The following RIF1 variants were observed in gnomAD, a reference collection of about 807,000 sequenced individuals.
RIF1 encodes the protein replication timing regulatory factor 1, also known as telomere-associated protein RIF1.
A neutral mutation model predicts 247.1 loss-of-function variants in RIF1; 45 were observed. That is an observed-to-expected ratio of 0.18 (90% CI 0.14 to 0.23). The LOEUF (loss-of-function observed/expected upper bound fraction) is 0.23, where lower values mean the gene tolerates loss of function less well. Ranked by LOEUF, RIF1 falls within the 10% of genes least tolerant of loss-of-function variation. RIF1 has a pLI of 1.00. For synonymous variants in RIF1, 1,087 were observed against 978.8 expected, an observed-to-expected ratio of 1.11 and a Z score of -2.06; for missense variants, 2,967 against 2,862.5, an observed-to-expected ratio of 1.04 and a Z score of -0.83.
At chr2:151,528,406 A>G in the RIF1 span, among the ~76,000 whole-genome samples, 1 of 152,150 alleles carries the variant, frequency 6.6e-6, no homozygotes, top group Admixed American at 6.5e-5. Flanking sequence ...ATTTTGAAAA[A>G]TTTCAAACAT....
rs1558962385 is a variant in RIF1, at chr2:151,435,454, AC to A, written c.1078-5del. 1 of 1,495,220 alleles carries A rather than the reference AC, an allele frequency of 6.7e-7. No homozygotes were observed. Among genetic ancestry groups the A allele is most frequent in the South Asian group, 1.1e-5 (1 of 88,324 alleles). 92.6% of individuals were successfully genotyped at this position (1,495,220 alleles called of 1,614,324 possible). A position where few individuals can be genotyped will look rare whatever the true frequency, so the allele number is the denominator to read the frequency against. On this transcript the variant is annotated splice_region_variant and splice_polypyrimidine_tract_variant and intron_variant, in intron 10 of 35. Transcript: ENST00000444746. ...AGTTTATAGATCGATGTTTTCTTTT[AC>A]CCCATAGGTTTGTGTGCCTCTGATT...
downstream of RIF1, among the ~76,000 whole-genome samples, chr2:151,484,588 T>C (rs2049391026): frequency 6.6e-6 from 1 of 152,194 alleles, no homozygotes; most frequent in Admixed American, 6.5e-5. Flanking sequence ...AGAGGGAGAC[T>C]CTGTCTCCAA....
At chr2:151,426,132 T>C (rs1689030977) in intron 8 of RIF1, among the ~76,000 whole-genome samples, 1 of 151,512 alleles carries the variant, frequency 6.6e-6, no homozygotes, top group Admixed American at 6.6e-5. Flanking sequence ...TCAGTTTGTC[T>C]GGTTTTATTA....
intron 21 of RIF1, among the ~76,000 whole-genome samples, chr2:151,454,608 A>T (rs1230220120): frequency 6.6e-6 from 1 of 152,142 alleles, no homozygotes; most frequent in African/African-American, 2.4e-5. Context: ...AAAGTTTGAG[A>T]TGCATTTTAT....
At chr2:151,512,826 C>T (rs1575685245), downstream of RIF1, 1 of 1,609,834 alleles carries the variant, frequency 6.2e-7, no homozygotes, top group Non-Finnish European at 8.5e-7. Flanking sequence ...CTGCTGATTG[C>T]TTATACTTAA....
chr2:151,443,783 A>G lies in RIF1; in HGVS notation c.1986+74A>G, dbSNP rs144459776. 360 of 885,950 alleles carry G rather than the reference A, an allele frequency of 4.1e-4. 1 individual carries two copies. The African/African-American group carries it at 5.8e-3, about 14-fold the overall frequency. The allele number at this position is 885,950 out of a possible 1,614,324, so 54.9% of individuals were successfully genotyped here. On this transcript the variant is annotated intron_variant, in intron 18 of 35. Coordinates refer to ENST00000444746, the MANE Select transcript of RIF1 (RefSeq NM_018151.5). ...TGTTAGTGCAGTTGGGGAAATGAAT[A>G]GAAGTTTGAATTTGAATAGAAGATG...
At chr2:151,497,667 C>T (rs1330007425) in intron 10 of RIF1, 5 of 1,585,990 alleles carry the variant, frequency 3.2e-6, no homozygotes, top group African/African-American at 1.3e-5. Flanking sequence ...CTTTCCATCT[C>T]GGGAGTGACA....
chr2:151,433,777 A>G (rs1278533413), intron 10 of RIF1, among the ~76,000 whole-genome samples: 1 of 152,162 alleles, frequency 6.6e-6, no homozygotes, highest in Non-Finnish European at 1.5e-5. Context: ...TAAATTAGCA[A>G]GTACTCAAAC....
intron 12 of RIF1, chr2:151,506,145 G>A (rs551832094): frequency 6.4e-7 from 1 of 1,566,984 alleles, no homozygotes; most frequent in Non-Finnish European, 8.8e-7. Flanking sequence ...AATATTGCAA[G>A]TGCATTCACT....
At chr2:151,433,681 C>T (rs115343199) in intron 10 of RIF1, among the ~76,000 whole-genome samples, 4,515 of 152,120 alleles carry the variant, frequency 0.03, 120 homozygotes, top group East Asian at 0.14. Context: ...TCTCGCACTC[C>T]TGGCCTCAAA....
intron 16 of RIF1, among the ~76,000 whole-genome samples, chr2:151,442,796 CAG>C (rs1438751077): frequency 4.5e-5 from 5 of 111,336 alleles, no homozygotes; most frequent in South Asian, 3.1e-4. Context: ...TTTTTTGAGA[CAG>C]AGTCAGGCTG....
the RIF1 span, chr2:151,525,935 G>A: frequency 5.7e-6 from 9 of 1,581,618 alleles, no homozygotes; most frequent in Middle Eastern, 1.7e-4. Flanking sequence ...TTGCTGCCAA[G>A]AGACCGGTGG....
At chr2:151,423,842 A>C (rs1417678578) in intron 8 of RIF1, 1 of 152,238 alleles carries the variant, frequency 6.6e-6, no homozygotes, top group East Asian at 1.9e-4. Context: ...TTTGTAAATG[A>C]ACAAGTCAGT....
At chr2:151,456,428 G>A (rs1351216659) in intron 22 of RIF1, 150 bp from the exon 23 acceptor site, 2 of 500,714 alleles carry the variant, frequency 4.0e-6, no homozygotes, top group South Asian at 3.0e-5. Context: ...TAGTATTTGA[G>A]TTTTTTACTT....
rs1574114878 is a variant in RIF1, at chr2:151,461,167, A to G, written c.3105A>G (p.Val1035=). ...KLKLESSSLK[V]KGEILLEEEK... is the part of the protein sequence containing the mutation. ...AACTTGAATCTTCGTCTTTAAAAGT[A>G]AAGGGTGAAATTCTTTTGGAAGAGG... Residue 1035 remains valine, a synonymous_variant, in exon 27 of 36, where the codon GTA becomes GTG. Coordinates refer to ENST00000444746, the MANE Select transcript of RIF1 (RefSeq NM_018151.5). 2 of 1,611,668 alleles carry G rather than the reference A, an allele frequency of 1.2e-6. No individual in the cohort carries two copies. The highest frequency in any genetic ancestry group is 1.7e-6 in the Non-Finnish European group (2 of 1,179,432).
intron 21 of RIF1, 143 bp downstream of exon 21, chr2:151,451,848 C>A: frequency 1.8e-6 from 1 of 553,342 alleles, no homozygotes; most frequent in South Asian, 2.1e-5. Context: ...ATGCTAGGAG[C>A]TTTCATACAT....
the RIF1 span, chr2:151,525,864 C>T: frequency 1.1e-6 from 1 of 938,986 alleles, no homozygotes; most frequent in Non-Finnish European, 1.8e-6. Flanking sequence ...AGTGAAGCTA[C>T]ATAAAGGAAG....
intron 26 of RIF1, among the ~76,000 whole-genome samples, chr2:151,460,530 ATC>A (rs1695972845): frequency 6.6e-6 from 1 of 151,754 alleles, no homozygotes; most frequent in Non-Finnish European, 1.5e-5. Context: ...CTATGTTCTT[ATC>A]AACTAGCTCA....
chr2:151,492,153 C>A, intron 9 of RIF1: 1 of 1,613,924 alleles, frequency 6.2e-7, no homozygotes, highest in Non-Finnish European at 8.5e-7. Context: ...CTACCACTTT[C>A]CTCTGAATAC....
Sources: gnomAD v4.1 joint callset for allele counts (sites outside exome capture counted in the v4.1 genomes callset) on GRCh38, gnomAD v4.1.1 for gene constraint, MANE v1.5 for transcripts, NCBI Gene and HGNC (gene_info 2026-07-23, HGNC 2026-07-21) for gene names.